SORCS2: variants seen among roughly 807,000 people sequenced by gnomAD.
SORCS2 encodes the protein sortilin related VPS10 domain containing receptor 2, also known as VPS10 domain-containing receptor SorCS2.
SORCS2 carries 100 observed loss-of-function variants against 141.6 expected under a neutral mutation model. The ratio of observed to expected loss-of-function variants is 0.71; its 90% CI spans 0.60 to 0.83. The LOEUF (loss-of-function observed/expected upper bound fraction) is 0.83. Ranked by LOEUF, SORCS2 falls within the 40% of genes least tolerant of loss-of-function variation. SORCS2 has a pLI of 0.00. For missense variants in SORCS2, 1,646 were observed against 1,560.2 expected (o/e 1.05, Z -0.93); for synonymous variants, 789 against 676.9 (o/e 1.17, Z -2.57).
At position 7,411,260 on chromosome 4, in the gene SORCS2, C is replaced by T. The variant is rs180754268; in HGVS notation, c.548+14905C>T. ...TGAGCCACTGCGCCTGGCCTCTTCT[C>T]TCCATCTTGACTTTAATACCTGCCC... On this transcript the variant is annotated intron_variant, in intron 2 of 26. Transcript: ENST00000507866. Among the ~76,000 whole-genome samples, 324 of 152,172 alleles carry T rather than the reference C, an allele frequency of 2.1e-3. 1 individual carries two copies. Among genetic ancestry groups the T allele is most frequent in the African/African-American group, 7.4e-3 (307 of 41,532 alleles).
intron 11 of SORCS2, among the ~76,000 whole-genome samples, chr4:7,693,746 T>TG (rs1391804020): frequency 2.0e-5 from 3 of 152,246 alleles, no homozygotes; most frequent in African/African-American, 7.2e-5. Context: ...CTCAGGGAAC[T>TG]GAGTCTCAGA....
chr4:7,304,395 A>G (rs1717644172), intron 1 of SORCS2, among the ~76,000 whole-genome samples: 1 of 151,952 alleles, frequency 6.6e-6, no homozygotes, highest in Admixed American at 6.6e-5. Flanking sequence ...CCTTTTATGC[A>G]TCATCCACAA....
Position 7,356,020 on chromosome 4 carries a change from T to A in SORCS2, c.481-40268T>A, listed in dbSNP as rs959540572. ...GCCACTCTGGCCCTCTTTCTGTCCT[T>A]TGAGATGTCCACGCTTGTTGCTGCC... On this transcript the variant is annotated intron_variant, in intron 1 of 26. Transcript: ENST00000507866. Among the ~76,000 whole-genome samples the A allele has an allele frequency of 2.6e-5, 4 of 152,294 alleles. No individual in the cohort carries two copies. The South Asian group carries it at 6.2e-4, about 24-fold the overall frequency.
intron 1 of SORCS2, among the ~76,000 whole-genome samples, chr4:7,252,217 C>A (rs1366341228): frequency 2.0e-5 from 3 of 152,138 alleles, no homozygotes; most frequent in African/African-American, 7.2e-5. Flanking sequence ...AGGCCCGAGG[C>A]AGGAGAGTGG....
chr4:7,537,089 T>G (rs1712193892), intron 3 of SORCS2, among the ~76,000 whole-genome samples: 1 of 152,216 alleles, frequency 6.6e-6, no homozygotes, highest in African/African-American at 2.4e-5. Flanking sequence ...TCCCTGTGTC[T>G]GCGCAAGCAC....
At chr4:7,282,861 C>T (rs1176000576) in intron 1 of SORCS2, among the ~76,000 whole-genome samples, 1 of 152,150 alleles carries the variant, frequency 6.6e-6, no homozygotes, top group Non-Finnish European at 1.5e-5. Flanking sequence ...CACTAAGATG[C>T]TTGTCTGTGC....
intron 3 of SORCS2, among the ~76,000 whole-genome samples, chr4:7,566,869 C>T (rs1328173342): frequency 6.6e-6 from 1 of 151,628 alleles, no homozygotes. Context: ...CTGGGAAATG[C>T]AGAGGGGGCA....
chr4:7,475,116 A>T (rs1172198346), intron 2 of SORCS2, among the ~76,000 whole-genome samples: 1 of 152,198 alleles, frequency 6.6e-6, no homozygotes, highest in Non-Finnish European at 1.5e-5. Flanking sequence ...AAGGCCTTAA[A>T]CATACCTTTT....
intron 2 of SORCS2, among the ~76,000 whole-genome samples, chr4:7,419,383 GA>G (rs1332280444): frequency 2.0e-5 from 3 of 152,156 alleles, no homozygotes; most frequent in Non-Finnish European, 2.9e-5. Flanking sequence ...GAGGAACCAG[GA>G]AAGGCTGTGT....
At chr4:7,705,820 C>T (rs1442071975) in intron 14 of SORCS2, among the ~76,000 whole-genome samples, 1 of 152,260 alleles carries the variant, frequency 6.6e-6, no homozygotes, top group African/African-American at 2.4e-5. Context: ...CGTGGATAAG[C>T]CGCCCAAGAG....
At chr4:7,216,801 G>A (rs1302752608) in intron 1 of SORCS2, among the ~76,000 whole-genome samples, 2 of 152,164 alleles carry the variant, frequency 1.3e-5, no homozygotes, top group East Asian at 3.9e-4. Flanking sequence ...CAGGTTCTGG[G>A]ATTTGGATGG....
intron 2 of SORCS2, among the ~76,000 whole-genome samples, chr4:7,401,210 G>T (rs144966651): frequency 1.0e-3 from 152 of 152,130 alleles, no homozygotes; most frequent in African/African-American, 3.3e-3. Flanking sequence ...TATATGGATG[G>T]ATGGGTGGGT....
intron 1 of SORCS2, among the ~76,000 whole-genome samples, chr4:7,296,913 G>A (rs1230837175): frequency 6.6e-6 from 1 of 152,176 alleles, no homozygotes; most frequent in Non-Finnish European, 1.5e-5. Context: ...GCCAAGGTCC[G>A]CGTGCCCGGC....
At chr4:7,593,566 G>A (rs576470351) in intron 3 of SORCS2, among the ~76,000 whole-genome samples, 4 of 152,142 alleles carry the variant, frequency 2.6e-5, no homozygotes, top group South Asian at 2.1e-4. Flanking sequence ...TGGCTCTTCC[G>A]TCTTCGTGCC....
chr4:7,510,186 G>A (rs183043531), intron 2 of SORCS2, among the ~76,000 whole-genome samples: 2 of 152,240 alleles, frequency 1.3e-5, no homozygotes, highest in African/African-American at 4.8e-5. Context: ...GATTGAAACC[G>A]ATGTGGATGC....
At chr4:7,291,825 G>T (rs547089187) in intron 1 of SORCS2, among the ~76,000 whole-genome samples, 18 of 152,344 alleles carry the variant, frequency 1.2e-4, no homozygotes, top group South Asian at 4.1e-4. Context: ...AAAGAGGAAG[G>T]TCTCCAGGGT....
At chr4:7,547,062 C>G (rs1382564836) in intron 3 of SORCS2, among the ~76,000 whole-genome samples, 1 of 152,146 alleles carries the variant, frequency 6.6e-6, no homozygotes, top group Non-Finnish European at 1.5e-5. Flanking sequence ...CGAGAAACAC[C>G]ACCCCAACAC....
intron 3 of SORCS2, among the ~76,000 whole-genome samples, chr4:7,540,291 C>G (rs1020209507): frequency 6.6e-6 from 1 of 151,418 alleles, no homozygotes; most frequent in Non-Finnish European, 1.5e-5. Flanking sequence ...TTTCCTTCCT[C>G]TCCTTCTGGA....
chr4:7,674,926 G>A (rs1723021315), intron 8 of SORCS2, among the ~76,000 whole-genome samples: 1 of 152,198 alleles, frequency 6.6e-6, no homozygotes, highest in Non-Finnish European at 1.5e-5. Flanking sequence ...TCCGCAGGTG[G>A]GGCCAGCCGG....
Sources: allele counts gnomAD v4.1 joint callset (sites outside exome capture counted in the v4.1 genomes callset), GRCh38; gene constraint gnomAD v4.1.1; transcripts MANE v1.5; gene names NCBI Gene and HGNC (gene_info 2026-07-23, HGNC 2026-07-21).